Variants in INPP4B observed in about 807,000 individuals in gnomAD.
INPP4B encodes inositol polyphosphate 4-phosphatase type II.
INPP4B carries 55 observed loss-of-function variants against 122.5 expected under a neutral mutation model. The ratio of observed to expected loss-of-function variants is 0.45; its 90% confidence interval spans 0.36 to 0.56. The LOEUF (loss-of-function observed/expected upper bound fraction) is 0.56. Among genes scored for constraint, INPP4B ranks in the 20% least tolerant of loss-of-function variants. The pLI, the probability that INPP4B is intolerant of heterozygous loss-of-function variation, is 0.00. For synonymous variants in INPP4B, 403 were observed against 388.7 expected (o/e 1.04, Z -0.43); for missense variants, 1,000 against 1,097.7 (o/e 0.91, Z 1.26).
intron 23 of INPP4B, among the ~76,000 whole-genome samples, chr4:142,091,015 A>G (rs1208472801): frequency 3.3e-5 from 5 of 152,178 alleles, no homozygotes; most frequent in African/African-American, 9.7e-5. Context: ...ATGGATACAT[A>G]AATATAGAGT....
chr4:142,315,218 C>A (rs1199411721), intron 7 of INPP4B, among the ~76,000 whole-genome samples: 1 of 100,274 alleles, frequency 1.0e-5, no homozygotes, highest in East Asian at 2.3e-4. Flanking sequence ...CATTATGTAC[C>A]TCCTAAGTAT....
At chr4:142,736,183 A>G (rs1766857099) in intron 1 of INPP4B, among the ~76,000 whole-genome samples, 1 of 152,174 alleles carries the variant, frequency 6.6e-6, no homozygotes, top group South Asian at 2.1e-4. Flanking sequence ...CTTCATTTCA[A>G]CAAGAGCACC....
chr4:142,564,165 C>T (rs573261975), intron 2 of INPP4B, among the ~76,000 whole-genome samples: 26 of 152,274 alleles, frequency 1.7e-4, no homozygotes, highest in Admixed American at 8.5e-4. Flanking sequence ...TGTGCAAGCA[C>T]GCTAACAAAG....
chr4:142,826,679 T>C (rs1781504957), intron 1 of INPP4B, among the ~76,000 whole-genome samples: 1 of 152,168 alleles, frequency 6.6e-6, no homozygotes, highest in Non-Finnish European at 1.5e-5. Flanking sequence ...TTTCAACTGC[T>C]GTTTCTCTGT....
At chr4:142,423,608 A>G in intron 5 of INPP4B, 1 of 212,896 alleles carries the variant, frequency 4.7e-6, no homozygotes, top group Non-Finnish European at 9.5e-6. Flanking sequence ...TAACCTACCT[A>G]AGGACCTCTT....
At chr4:142,751,291 A>G (rs1769668589) in intron 1 of INPP4B, among the ~76,000 whole-genome samples, 1 of 151,374 alleles carries the variant, frequency 6.6e-6, no homozygotes, top group Admixed American at 6.6e-5. Flanking sequence ...GTCAAAAAAA[A>G]AAAAAAAAAA....
At chr4:142,652,481 A>G (rs930661668) in intron 2 of INPP4B, among the ~76,000 whole-genome samples, 3 of 152,340 alleles carry the variant, frequency 2.0e-5, no homozygotes, top group Admixed American at 2.0e-4. Context: ...CCATCAACTC[A>G]GCCCAAAATC....
chr4:142,617,652 C>T (rs1391986438), intron 2 of INPP4B, among the ~76,000 whole-genome samples: 1 of 152,120 alleles, frequency 6.6e-6, no homozygotes, highest in Non-Finnish European at 1.5e-5. Flanking sequence ...TTATCCTAGG[C>T]ACTGTCTGTC....
At chr4:142,434,436 C>T (rs1022649138) in intron 3 of INPP4B, among the ~76,000 whole-genome samples, 2 of 152,064 alleles carry the variant, frequency 1.3e-5, no homozygotes, top group African/African-American at 4.8e-5. Flanking sequence ...TCAGGTTGTC[C>T]CTGTGGAAAC....
At chr4:142,242,487 AG>A (rs1185634929) in intron 11 of INPP4B, among the ~76,000 whole-genome samples, 2 of 152,208 alleles carry the variant, frequency 1.3e-5, no homozygotes, top group African/African-American at 4.8e-5. Context: ...GGTTAGAAAA[AG>A]GATTGGCCTT....
intron 2 of INPP4B, among the ~76,000 whole-genome samples, chr4:142,721,541 G>A (rs993395379): frequency 6.6e-6 from 1 of 152,228 alleles, no homozygotes; most frequent in Non-Finnish European, 1.5e-5. Flanking sequence ...GATGTCATAA[G>A]GCCGGGCGCT....
chr4:142,653,016 C>T (rs1387135950), intron 2 of INPP4B, among the ~76,000 whole-genome samples: 1 of 152,092 alleles, frequency 6.6e-6, no homozygotes, highest in African/African-American at 2.4e-5. Flanking sequence ...GTACTGGTAC[C>T]AAAACAGATT....
chr4:142,811,591 T>TGAAAATTATTA (rs1451637155), intron 1 of INPP4B, among the ~76,000 whole-genome samples: 1 of 152,226 alleles, frequency 6.6e-6, no homozygotes, highest in African/African-American at 2.4e-5. Flanking sequence ...ACTGATGATT[T>TGAAAATTATTA]GAAAATTATT....
chr4:142,333,530 T>C (rs1049421248), intron 7 of INPP4B, among the ~76,000 whole-genome samples: 2 of 152,216 alleles, frequency 1.3e-5, no homozygotes, highest in Admixed American at 1.3e-4. Context: ...CTATATGTTA[T>C]GATGTTATAG....
intron 10 of INPP4B, among the ~76,000 whole-genome samples, chr4:142,269,977 G>A (rs1465501708): frequency 6.6e-6 from 1 of 152,056 alleles, no homozygotes; most frequent in African/African-American, 2.4e-5. Flanking sequence ...CAATAAAACA[G>A]GCAATTGCAT....
At chr4:142,674,352 C>A (rs540410594) in intron 2 of INPP4B, among the ~76,000 whole-genome samples, 55 of 152,226 alleles carry the variant, frequency 3.6e-4, no homozygotes, top group African/African-American at 1.3e-3. Context: ...TTGAGTAAGT[C>A]TGAGGTACAG....
intron 2 of INPP4B, among the ~76,000 whole-genome samples, chr4:142,643,032 T>C (rs1750885953): frequency 6.6e-6 from 1 of 152,236 alleles, no homozygotes. Flanking sequence ...TTGAAGCAAT[T>C]GTGAATGGGA....
chr4:142,393,130 G>A (rs1561998421), intron 7 of INPP4B, among the ~76,000 whole-genome samples: 1 of 152,102 alleles, frequency 6.6e-6, no homozygotes, highest in Non-Finnish European at 1.5e-5. Context: ...TTTAACTTAT[G>A]AATGACATGC....
intron 1 of INPP4B, among the ~76,000 whole-genome samples, chr4:142,822,975 T>C (rs1780978218): frequency 6.6e-6 from 1 of 152,186 alleles, no homozygotes; most frequent in Non-Finnish European, 1.5e-5. Flanking sequence ...TACTCTTGGA[T>C]CTGGGTTGAA....
Sources: gnomAD v4.1 joint callset for allele counts (sites outside exome capture counted in the v4.1 genomes callset) on GRCh38, gnomAD v4.1.1 for gene constraint, MANE v1.5 for transcripts, NCBI Gene and HGNC (gene_info 2026-07-23, HGNC 2026-07-21) for gene names.